The following RGS7 variants were observed in gnomAD, a reference collection of about 807,000 sequenced individuals.
The protein encoded by RGS7 is regulator of G protein signaling 7, also known as regulator of G-protein signaling 7.
A neutral mutation model predicts 81.1 loss-of-function variants in RGS7; 27 were observed. The ratio of observed to expected loss-of-function variants is 0.33; its 90% CI spans 0.25 to 0.46. The LOEUF is 0.46. Ranked by LOEUF, RGS7 falls within the 20% of genes least tolerant of loss-of-function variation. The pLI, the probability that RGS7 is intolerant of heterozygous loss-of-function variation, is 1.00. For synonymous variants in RGS7, 208 were observed against 207.7 expected, an observed-to-expected ratio of 1.00 and a Z score of -0.01; for missense variants, 396 against 607.4, an observed-to-expected ratio of 0.65 and a Z score of 3.66.
chr1:240,885,152 G>T (rs79291015), intron 6 of RGS7, among the ~76,000 whole-genome samples: 1 of 152,132 alleles, frequency 6.6e-6, no homozygotes, highest in South Asian at 2.1e-4. Context: ...TGATAAAAAG[G>T]TTCAATGTCA....
intron 9 of RGS7, among the ~76,000 whole-genome samples, chr1:240,840,476 T>C (rs1256021702): frequency 6.6e-6 from 1 of 152,228 alleles, no homozygotes; most frequent in East Asian, 1.9e-4. Context: ...GGTTTCACCA[T>C]GTTGGCCAGG....
chr1:241,190,863 A>G (rs1364277051), intron 2 of RGS7, among the ~76,000 whole-genome samples: 1 of 152,144 alleles, frequency 6.6e-6, no homozygotes, highest in African/African-American at 2.4e-5. Flanking sequence ...AAAGTGGTGG[A>G]ACCTGTTTCT....
At chr1:240,878,901 A>G (rs1665924708) in intron 6 of RGS7, among the ~76,000 whole-genome samples, 1 of 152,156 alleles carries the variant, frequency 6.6e-6, no homozygotes, top group Non-Finnish European at 1.5e-5. Flanking sequence ...CCTATTACTA[A>G]ATACACAAGT....
chr1:240,776,151 A>G lies in RGS7; in HGVS notation c.*69T>C, dbSNP rs116246787. ...TGACTCCAGTCTGCATTCATGCTAC[A>G]AGATGATCCGTTTAGTAAGACTGAG... On this transcript the variant is annotated 3_prime_UTR_variant, in exon 19 of 19. Coordinates refer to ENST00000440928, the MANE Select transcript of RGS7 (RefSeq NM_001364886.1). The G allele has an allele frequency of 9.9e-5, 158 of 1,603,756 alleles. No individual in the cohort carries two copies. In the African/African-American group the frequency reaches 1.5e-3, roughly 15 times the overall value.
chr1:241,347,536 T>A (rs1407207705), intron 2 of RGS7, among the ~76,000 whole-genome samples: 1 of 152,220 alleles, frequency 6.6e-6, no homozygotes, highest in Non-Finnish European at 1.5e-5. Context: ...TTTAAATCCC[T>A]TTTACCCAGA....
chr1:241,156,169 G>GATAGATAGATACATACATACATAC (rs1475820224), intron 2 of RGS7, among the ~76,000 whole-genome samples: 3 of 142,752 alleles, frequency 2.1e-5, no homozygotes, highest in African/African-American at 7.5e-5. Flanking sequence ...TAGATAGATA[G>GATAGATAGATACATACATACATAC]ATACATATAC....
At chr1:241,125,444 A>G (rs2066591380) in intron 2 of RGS7, among the ~76,000 whole-genome samples, 1 of 151,936 alleles carries the variant, frequency 6.6e-6, no homozygotes, top group African/African-American at 2.4e-5. Flanking sequence ...ACACACACAC[A>G]CACACACACA....
intron 2 of RGS7, among the ~76,000 whole-genome samples, chr1:241,306,651 CACACAAAT>C (rs2080175043): frequency 7.1e-6 from 1 of 140,752 alleles, no homozygotes; most frequent in African/African-American, 2.5e-5. Context: ...TACCCTTTCA[CACACAAAT>C]ACATGTCCAC....
intron 3 of RGS7, among the ~76,000 whole-genome samples, chr1:241,068,867 C>T (rs147325982): frequency 2.8e-4 from 43 of 152,192 alleles, no homozygotes; most frequent in African/African-American, 1.0e-3. Flanking sequence ...GTGGATTTCT[C>T]GTGAGTGGCT....
intron 14 of RGS7, among the ~76,000 whole-genome samples, chr1:240,808,205 G>A (rs966503878): frequency 2.0e-5 from 3 of 152,112 alleles, no homozygotes; most frequent in Admixed American, 6.5e-5. Context: ...TTAATTGGCC[G>A]TAACACCAGG....
At chr1:241,025,164 A>C (rs1014921930) in intron 3 of RGS7, among the ~76,000 whole-genome samples, 9 of 152,236 alleles carry the variant, frequency 5.9e-5, no homozygotes, top group African/African-American at 2.2e-4. Flanking sequence ...TCTCCAGTGC[A>C]AACAAGGAGT....
chr1:240,932,698 C>T (rs1392395540), intron 5 of RGS7, among the ~76,000 whole-genome samples: 55 of 149,688 alleles, frequency 3.7e-4, no homozygotes, highest in African/African-American at 1.1e-3. Context: ...TTAGTAGAGA[C>T]GGGGTTTCAC....
At chr1:241,048,281 A>G (rs1254673093) in intron 3 of RGS7, among the ~76,000 whole-genome samples, 1 of 152,176 alleles carries the variant, frequency 6.6e-6, no homozygotes, top group Non-Finnish European at 1.5e-5. Context: ...CTAATGAGGC[A>G]CAGAAATAAA....
chr1:240,892,165 C>T (rs978530676), intron 6 of RGS7, among the ~76,000 whole-genome samples: 1 of 152,112 alleles, frequency 6.6e-6, no homozygotes, highest in African/African-American at 2.4e-5. Flanking sequence ...TAATGGTTCC[C>T]TTAGTATATC....
chr1:241,160,585 T>C (rs2069571571), intron 2 of RGS7, among the ~76,000 whole-genome samples: 1 of 152,146 alleles, frequency 6.6e-6, no homozygotes, highest in Admixed American at 6.5e-5. Flanking sequence ...AGAATATATG[T>C]TTGGATTTTG....
chr1:241,008,532 G>A (rs1454617056), intron 3 of RGS7, among the ~76,000 whole-genome samples: 3 of 152,172 alleles, frequency 2.0e-5, no homozygotes, highest in African/African-American at 7.2e-5. Context: ...TCAACTCTGA[G>A]TGACTCAATG....
At chr1:240,933,209 G>T (rs114513777) in intron 5 of RGS7, among the ~76,000 whole-genome samples, 2 of 151,526 alleles carry the variant, frequency 1.3e-5, no homozygotes, top group East Asian at 3.9e-4. Flanking sequence ...TGCTTCTTAC[G>T]GAGTGCATTG....
At chr1:241,352,538 T>C (rs1055035830) in intron 2 of RGS7, among the ~76,000 whole-genome samples, 2 of 152,236 alleles carry the variant, frequency 1.3e-5, no homozygotes, top group Non-Finnish European at 2.9e-5. Context: ...TCAAATGAAC[T>C]CTACTGAGAT....
intron 2 of RGS7, among the ~76,000 whole-genome samples, chr1:241,132,114 G>T (rs1278165158): frequency 6.6e-6 from 1 of 152,136 alleles, no homozygotes; most frequent in African/African-American, 2.4e-5. Context: ...TCCTTAATGA[G>T]AGGCTCCCAT....
Sources: allele counts gnomAD v4.1 joint callset (sites outside exome capture counted in the v4.1 genomes callset), GRCh38; gene constraint gnomAD v4.1.1; transcripts MANE v1.5; gene names NCBI Gene and HGNC (gene_info 2026-07-23, HGNC 2026-07-21).